Variants in TENM1 observed in about 807,000 individuals in gnomAD.
TENM1 encodes the protein teneurin transmembrane protein 1.
Under a neutral mutation model 174.8 loss-of-function variants are expected in TENM1, and 35 were observed. The observed-to-expected ratio is 0.20, with a 90% CI of 0.15 to 0.27. The LOEUF (loss-of-function observed/expected upper bound fraction) is 0.27. Ranked by LOEUF, TENM1 falls within the 10% of genes least tolerant of loss-of-function variation. The pLI is 1.00. For missense variants in TENM1, 1,633 were observed against 2,130.1 expected, an observed-to-expected ratio of 0.77 and a Z score of 4.59; for synonymous variants, 781 against 798.7, an observed-to-expected ratio of 0.98 and a Z score of 0.37.
intron 23 of TENM1, among the ~76,000 whole-genome samples, chrX:124,425,877 GGGGCTCCTGCAC>G (rs2060707798): frequency 1.8e-5 from 2 of 111,420 alleles, no homozygotes; most frequent in Admixed American, 1.9e-4. Flanking sequence ...AGGCATTTAG[GGGGCTCCTGCAC>G]GGGCCCAAGT....
At chrX:124,424,834 T>C (rs1046894365) in intron 23 of TENM1, among the ~76,000 whole-genome samples, 1 of 110,869 alleles carries the variant, frequency 9.0e-6, no homozygotes, top group African/African-American at 3.3e-5. Flanking sequence ...TTCCTCCTGC[T>C]CTGGCCATGT....
chrX:124,751,321 G>A (rs2054060690), intron 3 of TENM1, among the ~76,000 whole-genome samples: 1 of 111,399 alleles, frequency 9.0e-6, no homozygotes, highest in Non-Finnish European at 1.9e-5. Flanking sequence ...ACAATAAAAA[G>A]AATTATCTTA....
intron 22 of TENM1, among the ~76,000 whole-genome samples, chrX:124,478,283 C>A (rs1603282715): frequency 8.9e-6 from 1 of 112,297 alleles, no homozygotes; most frequent in Non-Finnish European, 1.9e-5. Flanking sequence ...ATGGGCATTA[C>A]ATGTATTGAA....
At chrX:124,502,957 G>A (rs748411657) in intron 19 of TENM1, among the ~76,000 whole-genome samples, 8 of 111,640 alleles carry the variant, frequency 7.2e-5, no homozygotes, top group Non-Finnish European at 1.5e-4. Flanking sequence ...TTATAAGATC[G>A]CCTCGCCTTA....
At chrX:124,582,915 G>A (rs1056197891) in intron 11 of TENM1, among the ~76,000 whole-genome samples, 12 of 112,336 alleles carry the variant, frequency 1.1e-4, no homozygotes, top group African/African-American at 2.3e-4. Flanking sequence ...CTACGCCCAC[G>A]GAGTCTCGCT....
chrX:125,082,349 A>AT, the TENM1 span, among the ~76,000 whole-genome samples: 1 of 110,287 alleles, frequency 9.1e-6, no homozygotes, highest in East Asian at 2.9e-4. Context: ...CAACATATGA[A>AT]TCAGATCACC....
chrX:125,027,702 T>C, the TENM1 span, among the ~76,000 whole-genome samples: 1 of 104,664 alleles, frequency 9.6e-6, no homozygotes, highest in Non-Finnish European at 2.0e-5. Context: ...CAACCTCCGC[T>C]TCCCGGGTTC....
chrX:124,464,033 G>T (rs1015522210), intron 22 of TENM1, among the ~76,000 whole-genome samples: 1 of 110,739 alleles, frequency 9.0e-6, no homozygotes, highest in Non-Finnish European at 1.9e-5. Flanking sequence ...GATAAATGAG[G>T]TTTACTAAAT....
At chrX:124,591,445 T>G (rs140318111) in intron 11 of TENM1, among the ~76,000 whole-genome samples, 1,593 of 111,930 alleles carry the variant, frequency 0.014, 30 homozygotes, top group African/African-American at 0.048. Context: ...AGTGCTTGCT[T>G]GTCTGGAAAA....
At chrX:124,814,243 T>C (rs2055848901) in intron 3 of TENM1, among the ~76,000 whole-genome samples, 1 of 111,787 alleles carries the variant, frequency 8.9e-6, no homozygotes, top group Non-Finnish European at 1.9e-5. Flanking sequence ...TACTAGGCTA[T>C]GTTAGGACAA....
chrX:124,561,679 T>C, exon 14 of TENM1: 1 of 1,211,096 alleles, frequency 8.3e-7, no homozygotes, highest in African/African-American at 1.7e-5. Context: ...ACCTCCATCA[T>C]TGTCCAAGTT....
Position 124,405,596 on chromosome X carries a change from G to C in TENM1, c.5156-330C>G, listed in dbSNP as rs191013006. ...TGGATCAGCCTCCTCAGTTTGATAT[G>C]CTGGGAGCTAGAATGAGAAGAGTGT... On this transcript the variant is annotated intron_variant, in intron 26 of 31. Coordinates refer to ENST00000422452, the Ensembl canonical transcript of TENM1. Among the ~76,000 whole-genome samples, 252 of 110,708 alleles carry C rather than the reference G, an allele frequency of 2.3e-3. 1 individual carries two copies. Among genetic ancestry groups the C allele is most frequent in the African/African-American group, 7.9e-3 (239 of 30,366 alleles).
chrX:125,055,450 TACTTCA>T, the TENM1 span, among the ~76,000 whole-genome samples: 1 of 111,726 alleles, frequency 9.0e-6, no homozygotes, highest in Non-Finnish European at 1.9e-5. Flanking sequence ...AATCTCTCCC[TACTTCA>T]ACTTCTATTC....
At chrX:124,969,762 C>T in the TENM1 span, among the ~76,000 whole-genome samples, 5 of 111,777 alleles carry the variant, frequency 4.5e-5, no homozygotes, top group Non-Finnish European at 9.4e-5. Context: ...CACTCGTCTA[C>T]ACTGCTCTTC....
At chrX:125,029,916 T>C in the TENM1 span, among the ~76,000 whole-genome samples, 2 of 112,016 alleles carry the variant, frequency 1.8e-5, no homozygotes. Context: ...TGGTAGATAT[T>C]TGGAACAGGA....
At chrX:125,191,440 T>C in the TENM1 span, among the ~76,000 whole-genome samples, 9 of 111,461 alleles carry the variant, frequency 8.1e-5, no homozygotes. Flanking sequence ...CAGTTAATGA[T>C]GAGTAATATA....
intron 3 of TENM1, among the ~76,000 whole-genome samples, chrX:124,773,719 A>C (rs930236882): frequency 1.8e-5 from 2 of 111,210 alleles, no homozygotes; most frequent in Admixed American, 9.6e-5. Context: ...CAATATATGG[A>C]CCCCCAGAAT....
intron 7 of TENM1, among the ~76,000 whole-genome samples, chrX:124,652,960 C>CT (rs1207222463): frequency 9.0e-6 from 1 of 111,427 alleles, no homozygotes; most frequent in Non-Finnish European, 1.9e-5. Context: ...ATAGTCATAT[C>CT]TGTTGGGGAA....
intron 3 of TENM1, among the ~76,000 whole-genome samples, chrX:124,882,453 T>A (rs1166346129): frequency 8.9e-6 from 1 of 111,809 alleles, no homozygotes; most frequent in African/African-American, 3.3e-5. Flanking sequence ...GAGAGTGGGG[T>A]GTCTAAGTCA....
Sources: gnomAD v4.1 joint callset for allele counts (sites outside exome capture counted in the v4.1 genomes callset) on GRCh38, gnomAD v4.1.1 for gene constraint, MANE v1.5 for transcripts, NCBI Gene and HGNC (gene_info 2026-07-23, HGNC 2026-07-21) for gene names.